The following CLEC1A variants were observed in gnomAD, a reference collection of about 807,000 sequenced individuals.
CLEC1A encodes the protein C-type lectin-like receptor-1.
CLEC1A carries 34 observed loss-of-function variants against 28.7 expected under a neutral mutation model. That is an observed-to-expected ratio of 1.18 (90% CI 0.90 to 1.57). The LOEUF (loss-of-function observed/expected upper bound fraction) is 1.57. CLEC1A is among the 40% of genes most tolerant of loss of function. The pLI, the probability that CLEC1A is intolerant of heterozygous loss-of-function variation, is 0.00. For synonymous variants in CLEC1A, 116 were observed against 121.0 expected, an observed-to-expected ratio of 0.96 and a Z score of 0.27; for missense variants, 385 against 339.5, an observed-to-expected ratio of 1.13 and a Z score of -1.05.
intron 4 of CLEC1A, among the ~76,000 whole-genome samples, chr12:10,073,752 A>G (rs896955250): frequency 6.6e-6 from 1 of 152,252 alleles, no homozygotes; most frequent in Admixed American, 6.5e-5. Flanking sequence ...AAAGAGATGC[A>G]GAATGATTCT....
At chr12:10,077,943 C>A (rs535714331) in intron 3 of CLEC1A, among the ~76,000 whole-genome samples, 1 of 152,134 alleles carries the variant, frequency 6.6e-6, no homozygotes, top group African/African-American at 2.4e-5. Context: ...TCCTTTCACT[C>A]GACCACATCT....
intron 1 of CLEC1A, among the ~76,000 whole-genome samples, chr12:10,096,427 G>T (rs1947776726): frequency 1.3e-5 from 2 of 152,008 alleles, no homozygotes; most frequent in South Asian, 4.1e-4. Context: ...CCTCAGTTCA[G>T]GTTTTTCTAC....
intron 3 of CLEC1A, among the ~76,000 whole-genome samples, chr12:10,076,477 T>A (rs947659822): frequency 1.3e-5 from 2 of 152,158 alleles, no homozygotes; most frequent in Admixed American, 6.5e-5. Flanking sequence ...TAAAACAAAA[T>A]ATAAATAAAT....
In CLEC1A at chr12:10,071,375, C is replaced by T. The variant is rs568326585; in HGVS notation, c.801G>A (p.Glu267=). Residue 267 remains glutamate, a synonymous_variant, in exon 6 of 6, where the codon GAG becomes GAA. Coordinates refer to ENST00000315330, the MANE Select transcript of CLEC1A (RefSeq NM_016511.4). Reference sequence around the variant, plus strand: ...ATGTTTCAGGGGGGACATGGAGGCTCTCTGGCTTCACCATTCCTGCCCTTC... The same window carrying T: ...ATGTTTCAGGGGGGACATGGAGGCTTTCTGGCTTCACCATTCCTGCCCTTC... The part of the protein sequence containing the change: ...CERRAGMVKP[E]SLHVPPETLG... 12 of 1,613,938 alleles carry T rather than the reference C, an allele frequency of 7.4e-6. No individual in the cohort carries two copies. The East Asian group carries it at 1.8e-4, about 24-fold the overall frequency.
chr12:10,070,273 G>A lies in CLEC1A; in HGVS notation c.*1060C>T, dbSNP rs1866098025. 2 of 152,262 alleles carry A rather than the reference G, an allele frequency of 1.3e-5. No individual in the cohort carries two copies. Among genetic ancestry groups the A allele is most frequent in the South Asian group, 4.1e-4 (2 of 4,832 alleles). The allele number at this position is 152,262 out of a possible 1,614,324, so 9.4% of individuals were successfully genotyped here. A position where few individuals can be genotyped will look rare whatever the true frequency, so the allele number is the denominator to read the frequency against. ...CTCACCTCAAAAGATTTCATTTTAG[G>A]AAAACGTTAAAACTGTTTTCTTGAA... is the stretch of plus-strand genomic sequence containing the variant. On this transcript the variant is annotated 3_prime_UTR_variant, in exon 6 of 6. Coordinates refer to ENST00000315330, the MANE Select transcript of CLEC1A (RefSeq NM_016511.4).
At chr12:10,090,835 C>A (rs1301756107) in intron 1 of CLEC1A, among the ~76,000 whole-genome samples, 1 of 151,468 alleles carries the variant, frequency 6.6e-6, no homozygotes, top group Non-Finnish European at 1.5e-5. Flanking sequence ...AAAAAAATGG[C>A]AATTTTATTA....
intron 1 of CLEC1A, among the ~76,000 whole-genome samples, chr12:10,091,727 A>C (rs1014816361): frequency 6.6e-6 from 1 of 152,086 alleles, no homozygotes; most frequent in Non-Finnish European, 1.5e-5. Flanking sequence ...CTATATTTGT[A>C]AACTTCCATA....
intron 1 of CLEC1A, among the ~76,000 whole-genome samples, chr12:10,094,185 AAAC>A (rs1401143085): frequency 6.6e-6 from 1 of 152,134 alleles, no homozygotes. Flanking sequence ...TATAATTCAA[AAAC>A]AACATTACCA....
At chr12:10,093,633 G>A (rs1345905815) in intron 1 of CLEC1A, among the ~76,000 whole-genome samples, 1 of 151,690 alleles carries the variant, frequency 6.6e-6, no homozygotes, top group Non-Finnish European at 1.5e-5. Flanking sequence ...TTAAAAGCTG[G>A]AGAAGACACC....
chr12:10,089,943 C>T (rs1026455919), intron 1 of CLEC1A, among the ~76,000 whole-genome samples: 1 of 152,120 alleles, frequency 6.6e-6, no homozygotes, highest in African/African-American at 2.4e-5. Context: ...CCTCGCCCTC[C>T]ATTCCCATAA....
chr12:10,086,511 A>G (rs1336955415), intron 2 of CLEC1A, among the ~76,000 whole-genome samples: 1 of 152,198 alleles, frequency 6.6e-6, no homozygotes, highest in Non-Finnish European at 1.5e-5. Flanking sequence ...GAAACGGGAG[A>G]TGTTCCAACT....
rs1866560780 is a variant in CLEC1A, at chr12:10,089,131, C to A, written c.207G>T (p.Gly69=). 2 of 1,613,174 alleles carry A rather than the reference C, an allele frequency of 1.2e-6. No individual in the cohort carries two copies. Among genetic ancestry groups the A allele is most frequent in the Admixed American group, 3.3e-5 (2 of 59,998 alleles). ...LVLLIGLAAL[G]LLFFQYYQLS... is the part of the protein sequence containing the mutation. ...GTCAGAGCGCAGACTTACACAAAAGCCCCAGGGCTGCCAGCCCTATCAGCA... is the reference window on the plus strand; with the variant it reads ...GTCAGAGCGCAGACTTACACAAAAGACCCAGGGCTGCCAGCCCTATCAGCA... Residue 69 remains glycine, a synonymous_variant, in exon 2 of 6, where the codon GGG becomes GGT. Transcript: ENST00000315330.
rs775153481 is a variant in CLEC1A at position 10,098,938 on chromosome 12, G to A, written c.-16C>T. 9 of 1,585,962 alleles carry A rather than the reference G, an allele frequency of 5.7e-6. No individual in the cohort carries two copies. The Admixed American group carries it at 6.8e-5, about 12-fold the overall frequency. ...TGGCCTGCATCTGGATTCCTACAGC[G>A]GTGAGAGTGAAATGTGGTCGGATTG... is the stretch of plus-strand genomic sequence containing the variant. On this transcript the variant is annotated 5_prime_UTR_variant, in exon 1 of 6. Coordinates refer to ENST00000315330, the MANE Select transcript of CLEC1A (RefSeq NM_016511.4).
Position 10,071,213 on chromosome 12 carries a change from C to T in CLEC1A, c.*120G>A, listed in dbSNP as rs113590225. ...ATCCTGAACAGGAAACACGAGAACC[C>T]ATTTTGTACTAGTCAGAGAGATAGT... On this transcript the variant is annotated 3_prime_UTR_variant, in exon 6 of 6. Transcript: ENST00000315330. 17 of 897,346 alleles carry T rather than the reference C, an allele frequency of 1.9e-5. No homozygotes were observed. The highest frequency in any genetic ancestry group is 2.8e-5 in the Non-Finnish European group (17 of 600,252). The allele number at this position is 897,346 out of a possible 1,614,324, so 55.6% of individuals were successfully genotyped here.
intron 1 of CLEC1A, chr12:10,092,519 C>A: frequency 3.9e-6 from 1 of 258,706 alleles, no homozygotes; most frequent in Non-Finnish European, 8.1e-6. Flanking sequence ...TCTACTCCAG[C>A]CTGGGTGACA....
chr12:10,075,722 T>G (rs1434986874), intron 3 of CLEC1A, 67 bp from the exon 4 acceptor site: 1 of 1,418,332 alleles, frequency 7.1e-7, no homozygotes, highest in Non-Finnish European at 9.8e-7. Flanking sequence ...CTTGAAATTA[T>G]ATAGTATTTG....
intron 3 of CLEC1A, among the ~76,000 whole-genome samples, chr12:10,078,840 G>T (rs1311834992): frequency 6.6e-6 from 1 of 152,064 alleles, no homozygotes; most frequent in Non-Finnish European, 1.5e-5. Flanking sequence ...GTGAGTTCTC[G>T]CTCTATGAGT....
Position 10,071,415 on chromosome 12 carries a change from C to T in CLEC1A, c.761G>A (p.Arg254His), listed in dbSNP as rs147882348. 94 of 1,614,002 alleles carry T rather than the reference C, an allele frequency of 5.8e-5. No individual in the cohort carries two copies. The highest frequency in any genetic ancestry group is 4.5e-4 in the Admixed American group (27 of 59,994). ...IFSKDCKELK[R>H]CVCERRAGMV... ...TCCTGCCCTTCTCTCACAGACACAA[C>T]GCTTCAATTCTTTGCAGTCCTTTGA... Residue 254 changes from arginine (R) to histidine (H), a missense_variant, in exon 6 of 6, where the codon CGT (arginine) becomes CAT (histidine). Physicochemically the swap from Arg to His is conservative, Grantham distance 29. Transcript: ENST00000315330.
intron 3 of CLEC1A, among the ~76,000 whole-genome samples, chr12:10,080,073 C>A (rs1332643755): frequency 1.3e-5 from 2 of 152,186 alleles, no homozygotes; most frequent in East Asian, 3.9e-4. Context: ...CTTTGGGAGG[C>A]TGGGGCAGGG....
Sources: gnomAD v4.1 joint callset for allele counts (sites outside exome capture counted in the v4.1 genomes callset) on GRCh38, gnomAD v4.1.1 for gene constraint, MANE v1.5 for transcripts, NCBI Gene and HGNC (gene_info 2026-07-23, HGNC 2026-07-21) for gene names.